The following SUGCT variants were observed in gnomAD, a reference collection of about 807,000 sequenced individuals.
SUGCT encodes the protein succinyl-CoA:glutarate CoA-transferase.
SUGCT carries 41 observed loss-of-function variants against 55.0 expected under a neutral mutation model. The observed-to-expected ratio is 0.74, with a 90% CI of 0.58 to 0.97. The LOEUF is 0.97. Ranked by LOEUF, SUGCT falls within the 50% of genes least tolerant of loss-of-function variation. The probability of loss-of-function intolerance (pLI) is 0.00; values close to 1 mark genes in which losing one functional copy is unlikely to be tolerated. For missense variants in SUGCT, 568 were observed against 547.8 expected (o/e 1.04, Z -0.37); for synonymous variants, 187 against 200.4 (o/e 0.93, Z 0.56).
At chr7:40,935,275 C>G in the SUGCT span, among the ~76,000 whole-genome samples, 2 of 151,936 alleles carry the variant, frequency 1.3e-5, no homozygotes, top group Non-Finnish European at 2.9e-5. Context: ...TAAAAATCAC[C>G]CTTTGATAGT....
At chr7:40,137,779 T>C (rs1351739777) in intron 1 of SUGCT, among the ~76,000 whole-genome samples, 2 of 152,130 alleles carry the variant, frequency 1.3e-5, no homozygotes, top group Non-Finnish European at 2.9e-5. Context: ...CTCTCTGGGC[T>C]CAAGCAATCC....
At chr7:40,203,670 G>T (rs1786751017) in intron 6 of SUGCT, among the ~76,000 whole-genome samples, 1 of 151,918 alleles carries the variant, frequency 6.6e-6, no homozygotes, top group African/African-American at 2.4e-5. Context: ...AGCTACTTGG[G>T]AGACTGAGGC....
At position 40,664,363 on chromosome 7, in the gene SUGCT, A is replaced by G. The variant is rs551252288; in HGVS notation, c.1090-85071A>G. On this transcript the variant is annotated intron_variant, in intron 12 of 13. Transcript: ENST00000335693. ...AGCAAGTCAGGGAAATCTAACTCAA[A>G]TAGTCATTAACAATAAACAGAATTT... Among the ~76,000 whole-genome samples, 83 of 152,282 alleles carry G rather than the reference A, an allele frequency of 5.5e-4. 1 individual carries two copies. The highest frequency in any genetic ancestry group is 2.6e-3 in the Admixed American group (39 of 15,290).
chr7:40,730,693 A>G (rs778751122), intron 12 of SUGCT, among the ~76,000 whole-genome samples: 1 of 151,660 alleles, frequency 6.6e-6, no homozygotes, highest in Non-Finnish European at 1.5e-5. Flanking sequence ...TCTCTCTACC[A>G]CCCTCTCCCT....
At chr7:40,786,965 T>A (rs932719962) in intron 13 of SUGCT, among the ~76,000 whole-genome samples, 1 of 152,248 alleles carries the variant, frequency 6.6e-6, no homozygotes, top group Admixed American at 6.5e-5. Flanking sequence ...GGTGAAAACC[T>A]AATAATTCAT....
intron 12 of SUGCT, among the ~76,000 whole-genome samples, chr7:40,681,771 T>C (rs1315501307): frequency 6.6e-6 from 1 of 152,184 alleles, no homozygotes; most frequent in Non-Finnish European, 1.5e-5. Context: ...TTTTCTCATT[T>C]GTGGCTGGTT....
At chr7:40,938,151 C>A in the SUGCT span, among the ~76,000 whole-genome samples, 3 of 152,150 alleles carry the variant, frequency 2.0e-5, no homozygotes, top group South Asian at 6.2e-4. Flanking sequence ...GGGATGGGGA[C>A]TCCTGTTGTA....
the SUGCT span, among the ~76,000 whole-genome samples, chr7:40,916,070 TACACACACACACACACAC>T: frequency 6.9e-6 from 1 of 144,758 alleles, no homozygotes; most frequent in African/African-American, 2.6e-5. Context: ...TCTCTCTACA[TACACACACACACACACAC>T]ACACACACAC....
chr7:40,634,093 G>T (rs996184567), intron 12 of SUGCT, among the ~76,000 whole-genome samples: 2 of 152,060 alleles, frequency 1.3e-5, no homozygotes, highest in Admixed American at 6.6e-5. Context: ...GGAACACAAA[G>T]CAGGGAGTGC....
At chr7:40,963,627 ATG>A in the SUGCT span, among the ~76,000 whole-genome samples, 7 of 152,212 alleles carry the variant, frequency 4.6e-5, no homozygotes, top group Admixed American at 3.9e-4. Context: ...AAATTTAATA[ATG>A]GCAAATGGCA....
intron 5 of SUGCT, among the ~76,000 whole-genome samples, chr7:40,192,554 C>A (rs996215910): frequency 6.6e-6 from 1 of 151,600 alleles, no homozygotes; most frequent in Non-Finnish European, 1.5e-5. Context: ...ATAATGAACT[C>A]TCATTTATCC....
chr7:41,016,549 C>T, the SUGCT span, among the ~76,000 whole-genome samples: 81 of 152,172 alleles, frequency 5.3e-4, no homozygotes, highest in African/African-American at 1.9e-3. Context: ...AAAATCTAAG[C>T]AACATATATT....
chr7:40,838,727 A>G (rs1412359972), intron 13 of SUGCT, among the ~76,000 whole-genome samples: 1 of 152,196 alleles, frequency 6.6e-6, no homozygotes, highest in Non-Finnish European at 1.5e-5. Context: ...TTTCCAAACT[A>G]TATGCCCTTT....
the SUGCT span, among the ~76,000 whole-genome samples, chr7:40,894,022 C>T: frequency 1.3e-5 from 2 of 150,368 alleles, no homozygotes; most frequent in African/African-American, 4.9e-5. Flanking sequence ...CCACTGCACT[C>T]CAGCCTGGGC....
Position 40,236,838 on chromosome 7 carries a change from C to CT in SUGCT, c.485-788dup, listed in dbSNP as rs576098403. Among the ~76,000 whole-genome samples the CT allele has an allele frequency of 1.6e-3, 237 of 150,638 alleles. 2 individuals carry two copies. Among genetic ancestry groups the CT allele is most frequent in the Non-Finnish European group, 2.5e-3 (172 of 67,566 alleles). On this transcript the variant is annotated intron_variant, in intron 6 of 13. Coordinates refer to ENST00000335693, the MANE Select transcript of SUGCT (RefSeq NM_001193313.2). ...TGTGGGCCTGGTTTTGAATTATTTCCTTTTTTTTTGTTTTAAAGGGAGTCT... is the reference window on the plus strand; with the variant it reads ...TGTGGGCCTGGTTTTGAATTATTTCCTTTTTTTTTTGTTTTAAAGGGAGTCT...
At chr7:40,263,818 G>A (rs1159058324) in intron 7 of SUGCT, among the ~76,000 whole-genome samples, 1 of 152,108 alleles carries the variant, frequency 6.6e-6, no homozygotes, top group African/African-American at 2.4e-5. Flanking sequence ...CTGCAATGAA[G>A]ATCAGAGAGA....
intron 11 of SUGCT, among the ~76,000 whole-genome samples, chr7:40,474,564 G>A (rs1790558504): frequency 6.6e-6 from 1 of 152,112 alleles, no homozygotes; most frequent in Non-Finnish European, 1.5e-5. Context: ...GCAGGCGTTT[G>A]GAAAGGAAAG....
chr7:40,269,532 A>G (rs1176972150), intron 7 of SUGCT, among the ~76,000 whole-genome samples: 2 of 151,976 alleles, frequency 1.3e-5, no homozygotes, highest in Non-Finnish European at 2.9e-5. Context: ...TTTTTTGCCT[A>G]GGCTTGTTTC....
chr7:41,031,778 C>T, the SUGCT span, among the ~76,000 whole-genome samples: 2 of 152,170 alleles, frequency 1.3e-5, no homozygotes, highest in East Asian at 1.9e-4. Context: ...TCTCTGAGCA[C>T]CCTCCCTAAC....
Sources: allele counts gnomAD v4.1 joint callset (sites outside exome capture counted in the v4.1 genomes callset), GRCh38; gene constraint gnomAD v4.1.1; transcripts MANE v1.5; gene names NCBI Gene and HGNC (gene_info 2026-07-23, HGNC 2026-07-21).